Variants in SMYD1 observed in about 807,000 individuals in gnomAD.
SMYD1 encodes histone-lysine N-methyltransferase SMYD1.
A neutral mutation model predicts 54.0 loss-of-function variants in SMYD1; 49 were observed. The ratio of observed to expected loss-of-function variants is 0.91; its 90% CI spans 0.72 to 1.15. The LOEUF (loss-of-function observed/expected upper bound fraction) is 1.15, where lower values mean the gene tolerates loss of function less well. Among genes scored for constraint, SMYD1 ranks in the 50% most tolerant of loss-of-function variants. SMYD1 has a pLI of 0.00. For missense variants in SMYD1, 653 were observed against 639.6 expected (o/e 1.02, Z -0.23); for synonymous variants, 269 against 234.2 (o/e 1.15, Z -1.36).
At chr2:88,104,328 T>A (rs188331007) in intron 7 of SMYD1, among the ~76,000 whole-genome samples, 2 of 152,322 alleles carry the variant, frequency 1.3e-5, no homozygotes, top group African/African-American at 4.8e-5. Context: ...TTATTGCACA[T>A]TTCTAAACCC....
At position 88,112,592 on chromosome 2, in the gene SMYD1, T is replaced by A. The variant is rs1056688342; in HGVS notation, c.*2080T>A. On this transcript the variant is annotated 3_prime_UTR_variant, in exon 10 of 10. Transcript: ENST00000419482. ...GACTGAGTTTTTTTTAGTTGTATAGTTATCATCTGCCTTTCTTCACTTTGC... is the reference window on the plus strand; with the variant it reads ...GACTGAGTTTTTTTTAGTTGTATAGATATCATCTGCCTTTCTTCACTTTGC... 1 of 163,318 alleles carries A rather than the reference T, an allele frequency of 6.1e-6. No homozygotes were observed. Among genetic ancestry groups the A allele is most frequent in the Non-Finnish European group, 1.3e-5 (1 of 74,486 alleles). 10.1% of individuals were successfully genotyped at this position (163,318 alleles called of 1,614,324 possible).
At chr2:88,104,035 C>A (rs1351968364) in intron 7 of SMYD1, among the ~76,000 whole-genome samples, 1 of 148,722 alleles carries the variant, frequency 6.7e-6, no homozygotes, top group African/African-American at 2.5e-5. Context: ...GGCACGATTT[C>A]GGCTCACTGC....
rs1472794883 is a variant in SMYD1 at position 88,096,780 on chromosome 2, C to G, written c.884C>G (p.Pro295Arg). 2 of 1,612,636 alleles carry G rather than the reference C, an allele frequency of 1.2e-6. No individual in the cohort carries two copies. Among genetic ancestry groups the G allele is most frequent in the Non-Finnish European group, 1.7e-6 (2 of 1,179,322 alleles). The change falls in exon 6 of 10, where the codon CCC (proline) becomes CGC (arginine). Residue 295 changes from proline (P) to arginine (R), a missense_variant. Transcript: ENST00000419482. ...CTCTTCCTGGGGGTGAAAGACAACC[C>G]CAAGGTACACACAGCCCTGCTGCTG... ...DDLFLGVKDN[P>R]KPSQEVVKEM... is the part of the protein sequence containing the mutation.
At position 88,113,173 on chromosome 2, in the gene SMYD1, G is replaced by A. The variant is rs1467522854; in HGVS notation, c.*2661G>A. 6.6e-6 allele frequency: 1 copy of A among 152,196 alleles called. No homozygotes were observed. The highest frequency in any genetic ancestry group is 1.5e-5 in the Non-Finnish European group (1 of 68,042). The allele number at this position is 152,196 out of a possible 1,614,324, so 9.4% of individuals were successfully genotyped here. On this transcript the variant is annotated 3_prime_UTR_variant, in exon 10 of 10. Coordinates refer to ENST00000419482, the MANE Select transcript of SMYD1 (RefSeq NM_198274.4). The stretch of plus-strand genomic sequence containing the variant: ...TGAGCTCCTGGAGGGCAGGAGCTGT[G>A]TCCTTCTATTCATCTTCCTATCCCC...
At position 88,088,089 on chromosome 2, in the gene SMYD1, G is replaced by C; in HGVS notation, c.528+14G>C. On this transcript the variant is annotated intron_variant, in intron 3 of 9. Coordinates refer to ENST00000419482, the MANE Select transcript of SMYD1 (RefSeq NM_198274.4). ...ATCTTCGGAGTGGTAGGCCCCCTGC[G>C]TCCCTTCTCCATCCTCCCTGTCTGT... 1 of 1,600,346 alleles carries C rather than the reference G, an allele frequency of 6.2e-7. No homozygotes were observed. The highest frequency in any genetic ancestry group is 1.3e-5 in the African/African-American group (1 of 74,804).
At chr2:88,099,971 T>C (rs1335406254) in intron 6 of SMYD1, among the ~76,000 whole-genome samples, 1 of 147,774 alleles carries the variant, frequency 6.8e-6, no homozygotes, top group African/African-American at 2.5e-5. Context: ...CCTCCCCCTT[T>C]CCTATGGCTC....
intron 6 of SMYD1, 57 bp downstream of exon 6, chr2:88,096,841 C>T: frequency 6.5e-7 from 1 of 1,546,450 alleles, no homozygotes; most frequent in Non-Finnish European, 8.8e-7. Context: ...GAGCCAGTCA[C>T]AGGTGGTTTC....
At chr2:88,077,560 AATGT>A (rs1477236202) in intron 1 of SMYD1, among the ~76,000 whole-genome samples, 1 of 152,268 alleles carries the variant, frequency 6.6e-6, no homozygotes, top group Non-Finnish European at 1.5e-5. Flanking sequence ...TGTGAATAGG[AATGT>A]AAGACTCGGG....
chr2:88,081,440 CTTTTTT>C (rs1165739190), intron 1 of SMYD1, among the ~76,000 whole-genome samples: 1 of 140,328 alleles, frequency 7.1e-6, no homozygotes, highest in East Asian at 2.1e-4. Flanking sequence ...CTAATTTTTT[CTTTTTT>C]TTTTTTTTGA....
intron 2 of SMYD1, among the ~76,000 whole-genome samples, chr2:88,085,926 C>T (rs1417963717): frequency 6.6e-6 from 1 of 152,166 alleles, no homozygotes; most frequent in Non-Finnish European, 1.5e-5. Flanking sequence ...TGTGAGTGTG[C>T]TTAATGCCAC....
chr2:88,093,600 C>T, intron 5 of SMYD1, 45 bp downstream of exon 5: 1 of 1,611,954 alleles, frequency 6.2e-7, no homozygotes, highest in Non-Finnish European at 8.5e-7. Flanking sequence ...GACCCATCTC[C>T]CTCACTTACC....
At chr2:88,081,140 T>A (rs1462352715) in intron 1 of SMYD1, among the ~76,000 whole-genome samples, 1 of 152,146 alleles carries the variant, frequency 6.6e-6, no homozygotes, top group East Asian at 1.9e-4. Flanking sequence ...TGACCTCAGA[T>A]GATCCACCTG....
chr2:88,069,245 C>T (rs372034752), intron 1 of SMYD1, among the ~76,000 whole-genome samples: 1 of 152,136 alleles, frequency 6.6e-6, no homozygotes, highest in African/African-American at 2.4e-5. Context: ...GCTGCACTGA[C>T]CACCCTGGGA....
At chr2:88,080,661 A>G (rs1364199346) in intron 1 of SMYD1, among the ~76,000 whole-genome samples, 1 of 152,104 alleles carries the variant, frequency 6.6e-6, no homozygotes, top group East Asian at 1.9e-4. Context: ...CTGAGCCCTG[A>G]TGCCCCAGAG....
intron 1 of SMYD1, among the ~76,000 whole-genome samples, chr2:88,078,757 G>T (rs759470230): frequency 1.6e-4 from 24 of 152,210 alleles, no homozygotes; most frequent in Non-Finnish European, 2.5e-4. Context: ...TGTTGTGTGT[G>T]CACACTGAAG....
rs559206379 is a variant in SMYD1 at position 88,092,451 on chromosome 2, T to C, written c.660-1066T>C. Among the ~76,000 whole-genome samples, 4 of 152,282 alleles carry C rather than the reference T, an allele frequency of 2.6e-5. No individual in the cohort carries two copies. The South Asian group carries it at 6.2e-4, about 24-fold the overall frequency. On this transcript the variant is annotated intron_variant, in intron 4 of 9. Coordinates refer to ENST00000419482, the MANE Select transcript of SMYD1 (RefSeq NM_198274.4). ...CTTTTATGACAGATACAAGCTGACT[T>C]TGAGCCATCAACAATGAGCAAGTTT... is the stretch of plus-strand genomic sequence containing the variant.
intron 7 of SMYD1, among the ~76,000 whole-genome samples, chr2:88,105,105 GAC>G (rs1273587354): frequency 6.6e-6 from 1 of 152,184 alleles, no homozygotes; most frequent in Non-Finnish European, 1.5e-5. Context: ...TCTGGGGTAG[GAC>G]TTGAACTTCA....
At chr2:88,074,746 A>C (rs993141255) in intron 1 of SMYD1, among the ~76,000 whole-genome samples, 1 of 152,208 alleles carries the variant, frequency 6.6e-6, no homozygotes, top group Admixed American at 6.5e-5. Flanking sequence ...ATGTATATAT[A>C]GTGTGTATAT....
chr2:88,092,426 C>A (rs1274351887), intron 4 of SMYD1, among the ~76,000 whole-genome samples: 1 of 152,098 alleles, frequency 6.6e-6, no homozygotes, highest in South Asian at 2.1e-4. Context: ...TAGAGATGAG[C>A]TTTTATGACA....
Sources: allele counts gnomAD v4.1 joint callset (sites outside exome capture counted in the v4.1 genomes callset), GRCh38; gene constraint gnomAD v4.1.1; transcripts MANE v1.5; gene names NCBI Gene and HGNC (gene_info 2026-07-23, HGNC 2026-07-21).